Variants in EML6 observed in about 807,000 individuals in gnomAD.
EML6 encodes the protein EMAP like 6.
EML6 carries 154 observed loss-of-function variants against 240.1 expected under a neutral mutation model. The ratio of observed to expected loss-of-function variants is 0.64; its 90% CI spans 0.56 to 0.73. The LOEUF is 0.73. EML6 is among the 30% of genes least tolerant of loss of function. The pLI is 0.00. For missense variants in EML6, 2,964 were observed against 2,474.6 expected, an observed-to-expected ratio of 1.20 and a Z score of -4.20; for synonymous variants, 1,148 against 899.0, an observed-to-expected ratio of 1.28 and a Z score of -4.95.
At chr2:54,841,879 C>T (rs1224261344) in intron 7 of EML6, among the ~76,000 whole-genome samples, 1 of 152,050 alleles carries the variant, frequency 6.6e-6, no homozygotes, top group East Asian at 1.9e-4. Flanking sequence ...AGGCATGAGC[C>T]ACCGTGCCTT....
chr2:54,728,423 A>G (rs1683004934), intron 2 of EML6, among the ~76,000 whole-genome samples: 1 of 152,172 alleles, frequency 6.6e-6, no homozygotes, highest in Admixed American at 6.5e-5. Context: ...CCCTGTCTCC[A>G]GGTTCTTCTG....
At chr2:54,782,681 G>C (rs1199820875) in intron 2 of EML6, among the ~76,000 whole-genome samples, 1 of 90,450 alleles carries the variant, frequency 1.1e-5, no homozygotes. Context: ...TTTTTTTTTT[G>C]GCTAAATTCT....
At chr2:54,920,980 C>G (rs1674216223) in intron 26 of EML6, among the ~76,000 whole-genome samples, 1 of 151,682 alleles carries the variant, frequency 6.6e-6, no homozygotes, top group Admixed American at 6.6e-5. Context: ...AAAAACACTT[C>G]AATTAGATAT....
chr2:54,931,159 G>T (rs1032489321), intron 28 of EML6, among the ~76,000 whole-genome samples: 2 of 151,478 alleles, frequency 1.3e-5, no homozygotes, highest in African/African-American at 4.9e-5. Flanking sequence ...GGGTTTCACC[G>T]TGTTAGCCAG....
intron 22 of EML6, among the ~76,000 whole-genome samples, chr2:54,901,893 G>T (rs982835857): frequency 5.3e-5 from 8 of 152,188 alleles, no homozygotes; most frequent in African/African-American, 1.9e-4. Flanking sequence ...ACATACCTTT[G>T]CAAAGTCCAT....
At chr2:54,849,824 T>G in intron 9 of EML6, 138 bp from the exon 10 acceptor site, 1 of 715,592 alleles carries the variant, frequency 1.4e-6, no homozygotes, top group Non-Finnish European at 2.2e-6. Context: ...TTTTATATAT[T>G]TACTCAAAAG....
At chr2:54,738,548 C>T (rs1199571709) in intron 2 of EML6, among the ~76,000 whole-genome samples, 1 of 152,214 alleles carries the variant, frequency 6.6e-6, no homozygotes, top group African/African-American at 2.4e-5. Context: ...ATACCACAGA[C>T]AGCACCTCAT....
At position 54,850,041 on chromosome 2, in the gene EML6, C is replaced by G; in HGVS notation, c.1267C>G (p.Leu423Val). The change falls in exon 10 of 42, where the codon CTT becomes GTT. Residue 423 changes from leucine to valine, a missense_variant. Leu to Val is a conservative substitution (Grantham distance 32). Transcript: ENST00000356458. ...EMKFSPDGSY[L>V]AVGSNDGPVD... ...GAAATTTTCTCCAGATGGTTCTTAC[C>G]TTGCAGTGGGATCCAATGATGGCCC... 6.4e-7 allele frequency: 1 copy of G among 1,551,910 alleles called. No individual in the cohort carries two copies. Among genetic ancestry groups the G allele is most frequent in the Non-Finnish European group, 8.7e-7 (1 of 1,147,000 alleles).
intron 17 of EML6, among the ~76,000 whole-genome samples, chr2:54,888,637 G>A (rs994609514): frequency 5.3e-5 from 8 of 152,074 alleles, no homozygotes; most frequent in Non-Finnish European, 1.0e-4. Flanking sequence ...TTTCTGATTG[G>A]CTTCTTTTAC....
At chr2:54,894,366 A>C (rs551311114) in intron 19 of EML6, among the ~76,000 whole-genome samples, 332 of 152,306 alleles carry the variant, frequency 2.2e-3, no homozygotes, top group Non-Finnish European at 3.2e-3. Flanking sequence ...TTTTTGTAAA[A>C]ATTAATCTGG....
intron 17 of EML6, chr2:54,882,497 C>G (rs556395954): frequency 3.3e-5 from 5 of 152,062 alleles, no homozygotes; most frequent in East Asian, 1.9e-4. Flanking sequence ...TAGGAGGGAT[C>G]TTGGACAAAA....
chr2:54,769,061 A>C (rs1290640686), intron 2 of EML6, among the ~76,000 whole-genome samples: 1 of 152,202 alleles, frequency 6.6e-6, no homozygotes, highest in Non-Finnish European at 1.5e-5. Context: ...CTGGGAAATG[A>C]CTTATTTTGA....
At chr2:54,858,593 G>C (rs1288968207) in intron 11 of EML6, among the ~76,000 whole-genome samples, 1 of 152,152 alleles carries the variant, frequency 6.6e-6, no homozygotes, top group Non-Finnish European at 1.5e-5. Flanking sequence ...TTGCTTTTGA[G>C]ACCCAATGCT....
intron 5 of EML6, among the ~76,000 whole-genome samples, chr2:54,826,816 T>A (rs1167113119): frequency 1.3e-5 from 2 of 152,306 alleles, no homozygotes; most frequent in East Asian, 3.9e-4. Flanking sequence ...AAGTAACATT[T>A]CTACAATGAA....
chr2:54,893,395 C>G (rs1039156913), intron 19 of EML6, among the ~76,000 whole-genome samples: 6 of 152,040 alleles, frequency 3.9e-5, no homozygotes, highest in Admixed American at 3.3e-4. Flanking sequence ...GGCTGAAGGG[C>G]CAATAAGAGT....
chr2:54,789,431 G>A (rs1006496059), intron 2 of EML6, among the ~76,000 whole-genome samples: 8 of 139,954 alleles, frequency 5.7e-5, no homozygotes, highest in Admixed American at 1.6e-4. Flanking sequence ...GGAGAATGGC[G>A]TGAACCCGGG....
chr2:54,748,220 C>A lies in EML6; in HGVS notation c.197+22962C>A, dbSNP rs1271904953. 2.6e-5 allele frequency: 4 copies of A among 152,170 alleles called. No individual in the cohort carries two copies. In the South Asian group the frequency reaches 6.2e-4, roughly 24 times the overall value. The allele number at this position is 152,170 out of a possible 1,614,324, so 9.4% of individuals were successfully genotyped here. A position where few individuals can be genotyped will look rare whatever the true frequency, so the allele number is the denominator to read the frequency against. ...ATGATTATATGGTGTCAAAGAAAGACTCAATAAAACTTTATTTCCTTTTCA... is the reference window on the plus strand; with the variant it reads ...ATGATTATATGGTGTCAAAGAAAGAATCAATAAAACTTTATTTCCTTTTCA... On this transcript the variant is annotated intron_variant, in intron 2 of 41. Coordinates refer to ENST00000356458, the MANE Select transcript of EML6 (RefSeq NM_001039753.4).
At chr2:54,814,388 C>G (rs578002139) in intron 3 of EML6, among the ~76,000 whole-genome samples, 2 of 152,302 alleles carry the variant, frequency 1.3e-5, no homozygotes, top group African/African-American at 4.8e-5. Flanking sequence ...TACAGCAACA[C>G]TGGGCAGAAA....
intron 16 of EML6, among the ~76,000 whole-genome samples, chr2:54,877,456 T>A (rs966539453): frequency 1.3e-5 from 1 of 74,858 alleles, no homozygotes; most frequent in Non-Finnish European, 2.5e-5. Context: ...TTATTAAAAG[T>A]CTTAAAAAAA....
Sources: allele counts gnomAD v4.1 joint callset (sites outside exome capture counted in the v4.1 genomes callset), GRCh38; gene constraint gnomAD v4.1.1; transcripts MANE v1.5; gene names NCBI Gene and HGNC (gene_info 2026-07-23, HGNC 2026-07-21).